Variants in ALK observed in about 807,000 individuals in gnomAD.
ALK encodes ALK tyrosine kinase receptor.
Under a neutral mutation model 163.1 loss-of-function variants are expected in ALK, and 74 were observed. The ratio of observed to expected loss-of-function variants is 0.45; its 90% CI spans 0.38 to 0.55. The LOEUF is 0.55. Ranked by LOEUF, ALK falls within the 20% of genes least tolerant of loss-of-function variation. ALK has a pLI of 0.00. For missense variants in ALK, 2,063 were observed against 2,105.3 expected (o/e 0.98, Z 0.39); for synonymous variants, 960 against 843.2 (o/e 1.14, Z -2.40).
chr2:29,421,237 GA>G (rs775154255), intron 4 of ALK, among the ~76,000 whole-genome samples: 1 of 151,564 alleles, frequency 6.6e-6, no homozygotes, highest in Non-Finnish European at 1.5e-5. Flanking sequence ...GTGCAGGCAG[GA>G]GGCCGCCTTT....
chr2:29,351,405 C>T (rs964443501), intron 5 of ALK, among the ~76,000 whole-genome samples: 3 of 152,138 alleles, frequency 2.0e-5, no homozygotes, highest in Non-Finnish European at 2.9e-5. Context: ...ACAGGGGAGG[C>T]ATCCCAGACA....
chr2:29,312,867 T>A (rs1282678748), intron 8 of ALK, among the ~76,000 whole-genome samples: 1 of 152,198 alleles, frequency 6.6e-6, no homozygotes, highest in African/African-American at 2.4e-5. Flanking sequence ...AGGCACATTC[T>A]GTCACTGCAG....
chr2:29,267,178 C>T (rs184723096), intron 11 of ALK, among the ~76,000 whole-genome samples: 16 of 152,210 alleles, frequency 1.1e-4, no homozygotes, highest in African/African-American at 3.9e-4. Flanking sequence ...GGTTGGCCTC[C>T]AGCCAGTTAG....
intron 1 of ALK, among the ~76,000 whole-genome samples, chr2:29,846,752 T>C (rs1665852787): frequency 6.6e-6 from 1 of 152,238 alleles, no homozygotes; most frequent in Admixed American, 6.5e-5. Flanking sequence ...ATTATCATAT[T>C]AGCCACACTT....
chr2:29,222,346 G>C lies in ALK; in HGVS notation c.3513C>G (p.Ile1171Met), dbSNP rs760322018. 3 of 1,613,938 alleles carry C rather than the reference G, an allele frequency of 1.9e-6. No homozygotes were observed. In the African/African-American group the frequency reaches 4.0e-5, roughly 22 times the overall value. The stretch of plus-strand genomic sequence containing the variant: ...AGGGTGTCTCTCTGTGGCTTTACCT[G>C]ATGATCAGGGCTTCCATGAGGAAAT... Reference protein sequence around the residue: ...ELDFLMEALIISKFNHQNIVR... With the variant: ...ELDFLMEALIMSKFNHQNIVR... Residue 1171 changes from isoleucine (I) to methionine (M), a missense_variant and splice_region_variant, in exon 22 of 29, where the codon ATC becomes ATG. Physicochemically the swap from Ile to Met is conservative, Grantham distance 10. Coordinates refer to ENST00000389048, the MANE Select transcript of ALK (RefSeq NM_004304.5).
intron 4 of ALK, among the ~76,000 whole-genome samples, chr2:29,528,565 C>T (rs1446905224): frequency 6.6e-6 from 1 of 152,080 alleles, no homozygotes; most frequent in Non-Finnish European, 1.5e-5. Context: ...ACTAGATGTT[C>T]CTTGAAAGCT....
chr2:29,452,737 C>T (rs1257855806), intron 4 of ALK, among the ~76,000 whole-genome samples: 1 of 152,200 alleles, frequency 6.6e-6, no homozygotes, highest in Non-Finnish European at 1.5e-5. Flanking sequence ...TAACCGACGA[C>T]TAACATCACC....
intron 9 of ALK, among the ~76,000 whole-genome samples, chr2:29,290,473 C>T (rs945123091): frequency 2.0e-5 from 3 of 152,082 alleles, no homozygotes; most frequent in African/African-American, 4.8e-5. Context: ...GAGTTAGAGG[C>T]GGAGCAGTTA....
chr2:29,713,896 CT>C (rs1251387878), intron 2 of ALK, among the ~76,000 whole-genome samples: 2 of 151,620 alleles, frequency 1.3e-5, no homozygotes, highest in African/African-American at 4.8e-5. Flanking sequence ...TGGGCAGAAC[CT>C]TTCATCGTCC....
intron 1 of ALK, among the ~76,000 whole-genome samples, chr2:29,811,274 G>A (rs1047983126): frequency 6.6e-6 from 1 of 152,132 alleles, no homozygotes; most frequent in Non-Finnish European, 1.5e-5. Flanking sequence ...AATGAGACAT[G>A]AAGTAGCTTG....
chr2:29,788,819 G>C (rs914299503), intron 1 of ALK, among the ~76,000 whole-genome samples: 2 of 152,192 alleles, frequency 1.3e-5, no homozygotes, highest in Non-Finnish European at 2.9e-5. Flanking sequence ...TACAGCCTAA[G>C]AAGTAACCTT....
chr2:29,278,985 G>C (rs576517813), intron 9 of ALK, among the ~76,000 whole-genome samples: 2 of 152,122 alleles, frequency 1.3e-5, no homozygotes, highest in African/African-American at 2.4e-5. Context: ...TGCCTGGGGG[G>C]GGGGACAGAA....
chr2:29,314,750 G>C (rs1269825901), intron 8 of ALK, among the ~76,000 whole-genome samples: 1 of 152,154 alleles, frequency 6.6e-6, no homozygotes, highest in Non-Finnish European at 1.5e-5. Context: ...AATTATTCTA[G>C]TCACAGGCAG....
chr2:29,314,529 G>A (rs1666776594), intron 8 of ALK, among the ~76,000 whole-genome samples: 1 of 152,090 alleles, frequency 6.6e-6, no homozygotes, highest in African/African-American at 2.4e-5. Flanking sequence ...GTGAGAAGAG[G>A]GGAGACGCAA....
intron 9 of ALK, among the ~76,000 whole-genome samples, chr2:29,281,434 G>A (rs938197207): frequency 1.3e-5 from 2 of 152,222 alleles, no homozygotes; most frequent in African/African-American, 4.8e-5. Flanking sequence ...GAACGTGGCA[G>A]GGGAGTCTCC....
At chr2:29,274,481 G>A (rs1369243872) in intron 11 of ALK, among the ~76,000 whole-genome samples, 1 of 152,230 alleles carries the variant, frequency 6.6e-6, no homozygotes, top group Non-Finnish European at 1.5e-5. Flanking sequence ...AGCTTCTGCG[G>A]GGCTAGGTTC....
intron 3 of ALK, among the ~76,000 whole-genome samples, chr2:29,574,274 C>T (rs1297154221): frequency 6.6e-6 from 1 of 152,160 alleles, no homozygotes; most frequent in East Asian, 1.9e-4. Flanking sequence ...GCTGGCTGAG[C>T]AGGGCCATGA....
chr2:29,841,770 A>G (rs1665708014), intron 1 of ALK, among the ~76,000 whole-genome samples: 1 of 152,198 alleles, frequency 6.6e-6, no homozygotes, highest in Non-Finnish European at 1.5e-5. Flanking sequence ...TTCCAAAAAT[A>G]CCCATCGAAA....
chr2:29,416,016 C>T (rs1386311772), intron 4 of ALK, among the ~76,000 whole-genome samples: 2 of 152,202 alleles, frequency 1.3e-5, no homozygotes, highest in East Asian at 1.9e-4. Context: ...CTTCAGACCC[C>T]GACTACATTA....
Sources: gnomAD v4.1 joint callset for allele counts (sites outside exome capture counted in the v4.1 genomes callset) on GRCh38, gnomAD v4.1.1 for gene constraint, MANE v1.5 for transcripts, NCBI Gene and HGNC (gene_info 2026-07-23, HGNC 2026-07-21) for gene names.